SIPA1L2: variants seen among roughly 807,000 people sequenced by gnomAD.
SIPA1L2 encodes signal induced proliferation associated 1 like 2.
SIPA1L2 carries 56 observed loss-of-function variants against 163.9 expected under a neutral mutation model. The ratio of observed to expected loss-of-function variants is 0.34; its 90% CI spans 0.28 to 0.43. The LOEUF is 0.43. SIPA1L2 is among the 20% of genes least tolerant of loss of function. SIPA1L2 has a pLI of 1.00. For missense variants in SIPA1L2, 1,974 were observed against 2,193.5 expected (o/e 0.90, Z 2.00); for synonymous variants, 877 against 865.7 (o/e 1.01, Z -0.23).
rs1657236387 is a variant in SIPA1L2, at chr1:232,535,317, A to G, written c.-269-19709T>C. Among the ~76,000 whole-genome samples the G allele has an allele frequency of 2.0e-5, 3 of 152,270 alleles. No homozygotes were observed. The South Asian group carries it at 6.2e-4, about 32-fold the overall frequency. Reference sequence around the variant, plus strand: ...CTGTTTAATCTAATTTTCCTTCATGAATGTCTGGCTTCAGCTCAAATTGAA... The same window carrying G: ...CTGTTTAATCTAATTTTCCTTCATGGATGTCTGGCTTCAGCTCAAATTGAA... On this transcript the variant is annotated intron_variant, in intron 2 of 22. Coordinates refer to ENST00000674635, the MANE Select transcript of SIPA1L2 (RefSeq NM_020808.5).
rs370709394 is a variant in SIPA1L2, at chr1:232,460,949, G to A, written c.3033C>T (p.Leu1011=). ...TLTHEQMIDL[L]RTSVTVKVVI... ...CCACCTTCACAGTCACAGAAGTACG[G>A]AGCAGGTCGATCATCTGCTCGTGGG... Residue 1011 remains leucine (L), a synonymous_variant, in exon 10 of 23, where the codon CTC becomes CTT. Transcript: ENST00000674635. 2 of 1,614,258 alleles carry A rather than the reference G, an allele frequency of 1.2e-6. No homozygotes were observed. The highest frequency in any genetic ancestry group is 1.6e-4 in the Middle Eastern group (1 of 6,062).
chr1:232,564,234 TCGTGTGTGTGTGTG>T (rs1558271279), intron 2 of SIPA1L2, among the ~76,000 whole-genome samples: 1,755 of 45,472 alleles, frequency 0.039, 109 homozygotes, highest in African/African-American at 0.05. Context: ...TTTTTTTTTT[TCGTGTGTGTGTGTG>T]TGTGTGTGTG....
intron 1 of SIPA1L2, among the ~76,000 whole-genome samples, chr1:232,599,140 T>C (rs963565953): frequency 6.6e-6 from 1 of 152,144 alleles, no homozygotes; most frequent in Non-Finnish European, 1.5e-5. Context: ...AGCAACCAGC[T>C]CTATGCTTAA....
At chr1:232,589,800 T>A (rs920059900) in intron 1 of SIPA1L2, among the ~76,000 whole-genome samples, 1 of 152,188 alleles carries the variant, frequency 6.6e-6, no homozygotes. Context: ...CATTCACATA[T>A]AGGCTCCTGT....
At chr1:232,565,836 G>C (rs1217467715) in intron 2 of SIPA1L2, among the ~76,000 whole-genome samples, 1 of 152,136 alleles carries the variant, frequency 6.6e-6, no homozygotes, top group African/African-American at 2.4e-5. Context: ...TGACTTCCTA[G>C]ACCACAGAAG....
intron 1 of SIPA1L2, among the ~76,000 whole-genome samples, chr1:232,591,230 A>G (rs1040157911): frequency 6.6e-6 from 1 of 152,278 alleles, no homozygotes; most frequent in Non-Finnish European, 1.5e-5. Flanking sequence ...CTATTACAAA[A>G]ATAGTTCACA....
At chr1:232,628,293 C>G (rs914556741) in intron 1 of SIPA1L2, among the ~76,000 whole-genome samples, 1 of 152,196 alleles carries the variant, frequency 6.6e-6, no homozygotes, top group Non-Finnish European at 1.5e-5. Flanking sequence ...GATACTTTAA[C>G]TGCATCTCTT....
chr1:232,495,848 G>A (rs1666159580), intron 3 of SIPA1L2, among the ~76,000 whole-genome samples: 1 of 152,052 alleles, frequency 6.6e-6, no homozygotes, highest in Non-Finnish European at 1.5e-5. Flanking sequence ...ATTCTTTTAA[G>A]TAGAAAAAAG....
intron 6 of SIPA1L2, 47 bp from the exon 7 acceptor site, chr1:232,479,777 T>A: frequency 1.3e-6 from 2 of 1,523,400 alleles, no homozygotes; most frequent in Non-Finnish European, 9.1e-7. Flanking sequence ...TGCTACAAAA[T>A]TAGTGCTTCG....
intron 1 of SIPA1L2, among the ~76,000 whole-genome samples, chr1:232,623,471 G>A (rs558277549): frequency 6.6e-6 from 1 of 152,250 alleles, no homozygotes; most frequent in South Asian, 2.1e-4. Context: ...AGCTAGGCAT[G>A]GTGGCAGGCA....
At chr1:232,600,775 G>A (rs1661554444) in intron 1 of SIPA1L2, among the ~76,000 whole-genome samples, 1 of 152,146 alleles carries the variant, frequency 6.6e-6, no homozygotes, top group East Asian at 1.9e-4. Context: ...TTCCAGAGCA[G>A]AAGGTGGCAG....
chr1:232,444,915 A>G (rs774674444), intron 11 of SIPA1L2, among the ~76,000 whole-genome samples: 3 of 152,236 alleles, frequency 2.0e-5, no homozygotes, highest in Non-Finnish European at 2.9e-5. Context: ...AGGAGTACGA[A>G]TTAACAACAA....
rs148453786 is a variant in SIPA1L2, at chr1:232,555,440, A to G, written c.-270+18734T>C. On this transcript the variant is annotated intron_variant, in intron 2 of 22. Transcript: ENST00000674635. ...GGTTCCCCAAGGTGTACTTCTAACCAGAATTCCCCAAGACAGACTAACCAA... is the reference window on the plus strand; with the variant it reads ...GGTTCCCCAAGGTGTACTTCTAACCGGAATTCCCCAAGACAGACTAACCAA... Among the ~76,000 whole-genome samples, 51 of 152,332 alleles carry G rather than the reference A, an allele frequency of 3.3e-4. No homozygotes were observed. The East Asian group carries it at 6.0e-3, about 18-fold the overall frequency.
chr1:232,402,502 T>C (rs1660405173), intron 21 of SIPA1L2, 29 bp from the exon 22 acceptor site: 1 of 1,591,820 alleles, frequency 6.3e-7, no homozygotes. Flanking sequence ...ATTAGAAAGA[T>C]TCAAGAGAGT....
chr1:232,591,150 G>C (rs543956218), intron 1 of SIPA1L2, among the ~76,000 whole-genome samples: 2 of 152,080 alleles, frequency 1.3e-5, no homozygotes, highest in Non-Finnish European at 2.9e-5. Flanking sequence ...GCCCACATAG[G>C]AACAATGACA....
At chr1:232,610,337 G>A (rs900215242) in intron 1 of SIPA1L2, among the ~76,000 whole-genome samples, 2 of 152,154 alleles carry the variant, frequency 1.3e-5, no homozygotes, top group African/African-American at 4.8e-5. Flanking sequence ...CAAGTCACTG[G>A]TTGAGACCTG....
Position 232,402,381 on chromosome 1 carries a change from C to T in SIPA1L2, c.5022+11G>A, listed in dbSNP as rs1480875780. 1.1e-5 allele frequency: 17 copies of T among 1,610,258 alleles called. No homozygotes were observed. Among genetic ancestry groups the T allele is most frequent in the Admixed American group, 3.3e-5 (2 of 59,730 alleles). On this transcript the variant is annotated intron_variant, in intron 22 of 22. Transcript: ENST00000674635. Reference sequence around the variant, plus strand: ...AGAAACAGTTCTGATTATGCTCTTCCAATTGATTACCTTCCGAAGGTCGGT... The same window carrying T: ...AGAAACAGTTCTGATTATGCTCTTCTAATTGATTACCTTCCGAAGGTCGGT...
At chr1:232,463,923 T>C (rs1350385149) in intron 9 of SIPA1L2, among the ~76,000 whole-genome samples, 1 of 152,208 alleles carries the variant, frequency 6.6e-6, no homozygotes, top group Non-Finnish European at 1.5e-5. Context: ...GATTTTACCT[T>C]CTCTTATACA....
chr1:232,452,761 A>T (rs1019984791), intron 10 of SIPA1L2, among the ~76,000 whole-genome samples: 1 of 152,180 alleles, frequency 6.6e-6, no homozygotes, highest in Non-Finnish European at 1.5e-5. Flanking sequence ...CATTAAAGAG[A>T]GAGTTTGGGC....
Sources: gnomAD v4.1 joint callset for allele counts (sites outside exome capture counted in the v4.1 genomes callset) on GRCh38, gnomAD v4.1.1 for gene constraint, MANE v1.5 for transcripts, NCBI Gene and HGNC (gene_info 2026-07-23, HGNC 2026-07-21) for gene names.